STK3: variants seen among roughly 807,000 people sequenced by gnomAD.
STK3 encodes the protein serine/threonine kinase 3.
Under a neutral mutation model 58.0 loss-of-function variants are expected in STK3, and 41 were observed. The observed-to-expected ratio is 0.71, with a 90% CI of 0.55 to 0.92. The LOEUF is 0.92. STK3 is among the 40% of genes least tolerant of loss of function. STK3 has a pLI of 0.00. For synonymous variants in STK3, 170 were observed against 191.0 expected, an observed-to-expected ratio of 0.89 and a Z score of 0.91; for missense variants, 479 against 602.7, an observed-to-expected ratio of 0.79 and a Z score of 2.15.
At chr8:98,418,063 C>T (rs979321112) in intron 3 of STK3, among the ~76,000 whole-genome samples, 4 of 152,094 alleles carry the variant, frequency 2.6e-5, no homozygotes, top group Non-Finnish European at 5.9e-5. Flanking sequence ...GTGTGTACCA[C>T]CATCCCCAGC....
At chr8:98,507,987 C>T (rs868862047) in intron 10 of STK3, among the ~76,000 whole-genome samples, 4 of 152,220 alleles carry the variant, frequency 2.6e-5, no homozygotes, top group Middle Eastern at 3.4e-3. Context: ...AAGTACTTAT[C>T]GTCTTTTAGC....
chr8:98,893,474 GAAAGAAAGAAAGAGAAAGAA>G lies in STK3; in HGVS notation c.-78-9660_-78-9641del, dbSNP rs1838303918. Among the ~76,000 whole-genome samples the G allele has an allele frequency of 5.7e-3, 369 of 65,060 alleles. 1 individual carries two copies. Among genetic ancestry groups the G allele is most frequent in the East Asian group, 0.014 (33 of 2,394 alleles). 42.7% of individuals were successfully genotyped at this position (65,060 alleles called of 152,430 possible). The stretch of plus-strand genomic sequence containing the variant: ...AGAAAGAAAGAAAGAAAGAAAGAAA[GAAAGAAAGAAAGAGAAAGAA>G]AGAAAGAAAGAAAGAAAGAAAGAAA... On this transcript the variant is annotated intron_variant, in intron 1 of 1. Transcript: ENST00000519420.
intron 6 of STK3, among the ~76,000 whole-genome samples, chr8:98,669,758 C>A (rs1329798500): frequency 6.6e-6 from 1 of 152,186 alleles, no homozygotes; most frequent in Non-Finnish European, 1.5e-5. Context: ...ACACTTGTGT[C>A]AAACAAATCT....
chr8:98,743,267 G>C lies in STK3; in HGVS notation c.351+6009C>G, dbSNP rs565960880. Among the ~76,000 whole-genome samples, 359 of 148,522 alleles carry C rather than the reference G, an allele frequency of 2.4e-3. 2 individuals carry two copies. Among genetic ancestry groups the C allele is most frequent in the African/African-American group, 8.6e-3 (351 of 40,738 alleles). ...TATGGAAAAAAAAAAAAAAGAGCCC[G>C]CATCGCCAAGTCAATCCTAAGCCAA... On this transcript the variant is annotated intron_variant, in intron 4 of 10. Transcript: ENST00000419617.
chr8:98,549,653 G>A (rs956841865), intron 8 of STK3, among the ~76,000 whole-genome samples: 2 of 152,072 alleles, frequency 1.3e-5, no homozygotes, highest in Non-Finnish European at 2.9e-5. Context: ...GAAGAATCAA[G>A]TCAGTAATAA....
intron 8 of STK3, among the ~76,000 whole-genome samples, chr8:98,559,810 A>G (rs1811872741): frequency 6.6e-6 from 1 of 152,142 alleles, no homozygotes; most frequent in Non-Finnish European, 1.5e-5. Context: ...CTATGCTATC[A>G]AGAAGTTTAG....
chr8:98,379,024 G>C (rs911270323), intron 2 of STK3: 1 of 152,200 alleles, frequency 6.6e-6, no homozygotes, highest in African/African-American at 2.4e-5. Context: ...TTGGCTGCTG[G>C]AGGCACCAAG....
At chr8:98,496,246 C>T (rs571096136) in intron 10 of STK3, among the ~76,000 whole-genome samples, 2 of 152,092 alleles carry the variant, frequency 1.3e-5, no homozygotes, top group African/African-American at 4.8e-5. Context: ...TGAATATGAT[C>T]TTATATGTAG....
At chr8:98,873,004 CT>C (rs1363941765) in intron 3 of STK3, among the ~76,000 whole-genome samples, 1 of 152,188 alleles carries the variant, frequency 6.6e-6, no homozygotes, top group Non-Finnish European at 1.5e-5. Context: ...CTACACACTG[CT>C]TTAAATGTGT....
intron 6 of STK3, among the ~76,000 whole-genome samples, chr8:98,686,511 G>A (rs890547016): frequency 2.6e-5 from 4 of 152,054 alleles, no homozygotes; most frequent in African/African-American, 4.8e-5. Flanking sequence ...TGTCATTCTC[G>A]TTGCTAAAAG....
chr8:98,624,695 A>C (rs1368810954), intron 6 of STK3, among the ~76,000 whole-genome samples: 1 of 152,126 alleles, frequency 6.6e-6, no homozygotes, highest in Non-Finnish European at 1.5e-5. Flanking sequence ...TCTACTAAAA[A>C]TACAAAAAAT....
chr8:98,446,805 TC>T lies in STK3; in HGVS notation n.186-9598del, dbSNP rs377116810. 3.3e-4 allele frequency among the ~76,000 whole-genome samples: 50 copies of T among 152,198 alleles called. No individual in the cohort carries two copies. In the East Asian group the frequency reaches 9.5e-3, roughly 29 times the overall value. On this transcript the variant is annotated intron_variant and non_coding_transcript_variant, in intron 1 of 3. Transcript: ENST00000517832. ...ATGCACGCAAATGTTCATTGCTGCA[TC>T]ACTCACAATAGCAAGGACATGGATT... is the stretch of plus-strand genomic sequence containing the variant.
chr8:98,905,352 C>T lies in STK3; in HGVS notation c.-78-21518G>A, dbSNP rs1838852745. 7.0e-6 allele frequency: 7 copies of T among 994,334 alleles called. No individual in the cohort carries two copies. The South Asian group carries it at 8.9e-5, about 13-fold the overall frequency. 61.6% of individuals were successfully genotyped at this position (994,334 alleles called of 1,614,324 possible). A position where few individuals can be genotyped will look rare whatever the true frequency, so the allele number is the denominator to read the frequency against. On this transcript the variant is annotated intron_variant, in intron 1 of 1. Transcript: ENST00000519420. ...GAGGACATAATCTTTCACGATGTCA[C>T]ATTCAATGACTGGACCATACTTCTC...
chr8:98,723,747 A>G (rs184969527), intron 4 of STK3, among the ~76,000 whole-genome samples: 1 of 152,276 alleles, frequency 6.6e-6, no homozygotes, highest in African/African-American at 2.4e-5. Flanking sequence ...TGCCATAAAT[A>G]GATAAGTACA....
intron 10 of STK3, among the ~76,000 whole-genome samples, chr8:98,511,185 A>C (rs1466426701): frequency 2.0e-5 from 3 of 152,054 alleles, no homozygotes; most frequent in Non-Finnish European, 4.4e-5. Context: ...CTTATTAAAT[A>C]AATGAATAAA....
At chr8:98,352,154 A>G in the STK3 span, among the ~76,000 whole-genome samples, 12 of 150,672 alleles carry the variant, frequency 8.0e-5, no homozygotes, top group East Asian at 2.0e-4. Context: ...AAAAAAAAAA[A>G]AGAGACTACT....
At chr8:98,767,065 G>A (rs988467271) in intron 3 of STK3, among the ~76,000 whole-genome samples, 178 bp downstream of exon 3, 1 of 152,170 alleles carries the variant, frequency 6.6e-6, no homozygotes, top group African/African-American at 2.4e-5. Context: ...AGGTTGTGGT[G>A]AGCCGAGATG....
intron 6 of STK3, among the ~76,000 whole-genome samples, chr8:98,609,829 G>A (rs1227993501): frequency 3.3e-5 from 5 of 151,856 alleles, no homozygotes; most frequent in South Asian, 4.2e-4. Flanking sequence ...GCGTGGTGGC[G>A]GGCACCTGTA....
At chr8:98,867,714 C>T (rs933687216) in intron 3 of STK3, among the ~76,000 whole-genome samples, 1 of 152,168 alleles carries the variant, frequency 6.6e-6, no homozygotes, top group Non-Finnish European at 1.5e-5. Context: ...TGCTTACCAA[C>T]CTTCGGCAAG....
Sources: gnomAD v4.1 joint callset for allele counts (sites outside exome capture counted in the v4.1 genomes callset) on GRCh38, gnomAD v4.1.1 for gene constraint, MANE v1.5 for transcripts, NCBI Gene and HGNC (gene_info 2026-07-23, HGNC 2026-07-21) for gene names.